PXDN: variants seen among roughly 807,000 people sequenced by gnomAD.
PXDN encodes the protein peroxidasin, also known as peroxidasin homolog.
In PXDN, 77 loss-of-function variants were observed where a neutral mutation model predicts 140.3. That is an observed-to-expected ratio of 0.55 (90% CI 0.46 to 0.66). The LOEUF (loss-of-function observed/expected upper bound fraction) is 0.66, where lower values mean the gene tolerates loss of function less well. Ranked by LOEUF, PXDN falls within the 30% of genes least tolerant of loss-of-function variation. The probability of loss-of-function intolerance (pLI) is 0.00; values close to 1 mark genes in which losing one functional copy is unlikely to be tolerated. For missense variants in PXDN, 1,838 were observed against 2,039.5 expected (o/e 0.90, Z 1.90); for synonymous variants, 911 against 857.4 (o/e 1.06, Z -1.09).
At chr2:1,638,344 C>T (rs948735626) in intron 21 of PXDN, among the ~76,000 whole-genome samples, 3 of 152,072 alleles carry the variant, frequency 2.0e-5, no homozygotes, top group African/African-American at 7.2e-5. Flanking sequence ...AACTCATTTC[C>T]ACAGAGCGCC....
intron 1 of PXDN, among the ~76,000 whole-genome samples, chr2:1,711,583 A>G (rs1319936312): frequency 6.0e-5 from 4 of 66,694 alleles, no homozygotes; most frequent in Admixed American, 3.5e-4. Context: ...ACCAGCACCC[A>G]CTCCACCAGC....
At chr2:1,728,418 C>A (rs1022837948) in intron 1 of PXDN, among the ~76,000 whole-genome samples, 4 of 152,220 alleles carry the variant, frequency 2.6e-5, no homozygotes. Flanking sequence ...TTGCAGATTC[C>A]AAATTTGTGA....
At chr2:1,641,315 C>A (rs926615296) in intron 19 of PXDN, among the ~76,000 whole-genome samples, 1 of 152,072 alleles carries the variant, frequency 6.6e-6, no homozygotes, top group Non-Finnish European at 1.5e-5. Context: ...CCACGCCCGG[C>A]TAATTTTTGT....
At chr2:1,654,353 T>A in intron 15 of PXDN, 47 bp downstream of exon 15, 1 of 1,405,498 alleles carries the variant, frequency 7.1e-7, no homozygotes, top group Non-Finnish European at 1.0e-6. Context: ...ACCTTCACCC[T>A]AAAGCTCAGT....
chr2:1,687,613 G>A lies in PXDN; in HGVS notation c.416+19C>T, dbSNP rs557630000. 31 of 1,472,812 alleles carry A rather than the reference G, an allele frequency of 2.1e-5. No homozygotes were observed. The highest frequency in any genetic ancestry group is 8.4e-5 in the South Asian group (7 of 82,852). The allele number at this position is 1,472,812 out of a possible 1,614,324, so 91.2% of individuals were successfully genotyped here. ...AGACGGCATCCAAGAACTAAAGCACGAAGAGAAGGGGCACTTACAGTTGCT... is the reference window on the plus strand; with the variant it reads ...AGACGGCATCCAAGAACTAAAGCACAAAGAGAAGGGGCACTTACAGTTGCT... On this transcript the variant is annotated intron_variant, in intron 4 of 22. Transcript: ENST00000252804. The surrounding 1 kb of genome is among the most constrained non-coding windows in gnomAD (Gnocchi z 4.0).
intron 1 of PXDN, among the ~76,000 whole-genome samples, chr2:1,740,330 C>T (rs1197273071): frequency 6.6e-6 from 1 of 152,184 alleles, no homozygotes; most frequent in Non-Finnish European, 1.5e-5. Flanking sequence ...AGCCAGTTCT[C>T]CAAGGGAGGT....
intron 1 of PXDN, among the ~76,000 whole-genome samples, chr2:1,733,114 T>C (rs932964599): frequency 1.3e-5 from 2 of 152,022 alleles, no homozygotes; most frequent in African/African-American, 4.8e-5. Context: ...AATACACGTA[T>C]AACTGGAATC....
At chr2:1,739,991 G>T (rs961609951) in intron 1 of PXDN, among the ~76,000 whole-genome samples, 1 of 152,178 alleles carries the variant, frequency 6.6e-6, no homozygotes, top group Admixed American at 6.5e-5. Context: ...CCCAGCAGAC[G>T]CATCTGCACA....
At chr2:1,743,676 G>A (rs1424949495) in intron 1 of PXDN, among the ~76,000 whole-genome samples, 1 of 106,668 alleles carries the variant, frequency 9.4e-6, no homozygotes, top group African/African-American at 4.2e-5. Flanking sequence ...GGGAGGAGGA[G>A]GAGGAAGGGG....
In PXDN at chr2:1,648,841, T is replaced by C. The variant is rs1230216192; in HGVS notation, c.2939A>G (p.Glu980Gly). ...CFLAGDHRAN[E>G]QLGLTSMHTL... ...GTGCATGCTGGTCAGGCCCAGCTGC[T>C]CGTTGGCGCGGTGGTCCCCGGCCAG... Residue 980 changes from glutamate to glycine, a missense_variant, in exon 17 of 23, where the codon GAG (glutamate) becomes GGG (glycine). This residue lies in a region of PXDN where 850 missense variants were observed against 894.1 expected (regional missense o/e 0.95). Transcript: ENST00000252804. The surrounding 1 kb of genome is among the most constrained non-coding windows in gnomAD (Gnocchi z 8.9). The C allele has an allele frequency of 5.6e-6, 9 of 1,601,304 alleles. No homozygotes were observed. Among genetic ancestry groups the C allele is most frequent in the Admixed American group, 1.7e-5 (1 of 58,964 alleles).
At chr2:1,669,000 G>C (rs140566713) in intron 9 of PXDN, among the ~76,000 whole-genome samples, 2 of 152,050 alleles carry the variant, frequency 1.3e-5, no homozygotes, top group African/African-American at 4.8e-5. Flanking sequence ...ACATGCACAC[G>C]TTATGTTTAT....
At position 1,660,328 on chromosome 2, in the gene PXDN, G is replaced by A. The variant is rs1029130937; in HGVS notation, c.1837+553C>T. Among the ~76,000 whole-genome samples, 1 of 152,124 alleles carries A rather than the reference G, an allele frequency of 6.6e-6. No homozygotes were observed. The highest frequency in any genetic ancestry group is 1.5e-5 in the Non-Finnish European group (1 of 68,028). The stretch of plus-strand genomic sequence containing the variant: ...CGGGGTGAGTGGGATGGAAGTGGTG[G>A]CGGACCAGGATGCAAACAGACAGAT... On this transcript the variant is annotated intron_variant, in intron 14 of 22. Transcript: ENST00000252804. This position sits in a 1 kb window ranked among gnomAD's most constrained non-coding sequence, Gnocchi z 4.6.
At chr2:1,701,049 G>A (rs1558514954) in intron 1 of PXDN, among the ~76,000 whole-genome samples, 1 of 152,204 alleles carries the variant, frequency 6.6e-6, no homozygotes, top group Non-Finnish European at 1.5e-5. Context: ...TGGGAAAGGC[G>A]GGAGGCTGAG....
At chr2:1,731,648 C>G (rs1285589346) in intron 1 of PXDN, among the ~76,000 whole-genome samples, 5 of 152,178 alleles carry the variant, frequency 3.3e-5, no homozygotes, top group African/African-American at 1.2e-4. Flanking sequence ...AAGTGGGCAG[C>G]CACAGACGAA....
At chr2:1,658,724 C>T (rs1393161859) in intron 14 of PXDN, among the ~76,000 whole-genome samples, 1 of 151,848 alleles carries the variant, frequency 6.6e-6, no homozygotes, top group African/African-American at 2.4e-5. Context: ...GCACCAGGAC[C>T]CCCAGGACTG....
chr2:1,650,508 C>T (rs867695915), intron 16 of PXDN, among the ~76,000 whole-genome samples: 1 of 152,188 alleles, frequency 6.6e-6, no homozygotes, highest in South Asian at 2.1e-4. Context: ...AGTTCAGATC[C>T]TAGTCTTCGC....
intron 7 of PXDN, 99 bp from the exon 8 acceptor site, chr2:1,677,143 C>A: frequency 9.1e-7 from 1 of 1,097,230 alleles, no homozygotes; most frequent in Non-Finnish European, 1.3e-6. Flanking sequence ...AAGGAAACCA[C>A]AGATGCCCAA....
intron 12 of PXDN, 105 bp downstream of exon 12, chr2:1,663,500 A>G: frequency 6.8e-7 from 1 of 1,468,696 alleles, no homozygotes; most frequent in Non-Finnish European, 9.2e-7. Flanking sequence ...GAGAACAGCC[A>G]ACGCTTTATA....
chr2:1,705,112 CGT>C, intron 1 of PXDN, among the ~76,000 whole-genome samples: 1 of 104,330 alleles, frequency 9.6e-6, no homozygotes, highest in African/African-American at 4.7e-5. Context: ...ACGTGAGAGC[CGT>C]GAGAGCAGAG....
Sources: allele counts gnomAD v4.1 joint callset (sites outside exome capture counted in the v4.1 genomes callset), GRCh38; gene constraint gnomAD v4.1.1; regional missense constraint gnomAD v4.1.1; non-coding constraint Gnocchi (gnomAD v3.1); transcripts MANE v1.5; gene names NCBI Gene and HGNC (gene_info 2026-07-23, HGNC 2026-07-21).